The following CDC42BPB variants were observed in gnomAD, a reference collection of about 807,000 sequenced individuals.
The protein encoded by CDC42BPB is CDC42 binding protein kinase beta.
CDC42BPB carries 37 observed loss-of-function variants against 214.9 expected under a neutral mutation model. That is an observed-to-expected ratio of 0.17 (90% CI 0.13 to 0.23). The LOEUF is 0.23. CDC42BPB is among the 10% of genes least tolerant of loss of function. The pLI is 1.00. For synonymous variants in CDC42BPB, 931 were observed against 884.0 expected (o/e 1.05, Z -0.94); for missense variants, 1,694 against 2,227.0 (o/e 0.76, Z 4.82).
At chr14:102,998,137 T>C (rs1041901616) in intron 5 of CDC42BPB, among the ~76,000 whole-genome samples, 5 of 151,526 alleles carry the variant, frequency 3.3e-5, no homozygotes, top group Admixed American at 6.6e-5. Flanking sequence ...AAAAAATATA[T>C]CAAAATAAAA....
At chr14:102,969,211 C>G (rs1469251996) in intron 14 of CDC42BPB, among the ~76,000 whole-genome samples, 1 of 152,240 alleles carries the variant, frequency 6.6e-6, no homozygotes, top group Admixed American at 6.5e-5. Context: ...GGGCAAAGAA[C>G]AAGGGCACAG....
chr14:102,974,139 C>G lies in CDC42BPB; in HGVS notation c.1518G>C (p.Arg506Ser), dbSNP rs773145635. The G allele has an allele frequency of 1.2e-6, 2 of 1,613,414 alleles. No individual in the cohort carries two copies. Among genetic ancestry groups the G allele is most frequent in the South Asian group, 1.1e-5 (1 of 90,904 alleles). ...RLKNKIADSN[R>S]LERQLEDTVA... ...CTGTGTCCTCAAGCTGTCGCTCGAG[C>G]CTGTTTGAATCTGGACAAAAGAGGA... Residue 506 changes from arginine (R) to serine (S), a missense_variant, in exon 12 of 37, where the codon AGG becomes AGC. Physicochemically the swap from Arg to Ser is moderately radical, Grantham distance 110 (BLOSUM62 -1). Transcript: ENST00000361246.
At chr14:102,981,126 G>A (rs1893979115) in intron 7 of CDC42BPB, 105 bp from the exon 8 acceptor site, 1 of 1,537,662 alleles carries the variant, frequency 6.5e-7, no homozygotes, top group East Asian at 2.3e-5. Flanking sequence ...CTTCAAAGCA[G>A]GTCACTTCAT....
intron 36 of CDC42BPB, 149 bp from the exon 37 acceptor site, chr14:102,933,992 G>C: frequency 7.2e-7 from 1 of 1,382,768 alleles, no homozygotes; most frequent in Non-Finnish European, 9.3e-7. Flanking sequence ...CTCTACACCA[G>C]CGATTCGTGG....
intron 30 of CDC42BPB, chr14:102,941,093 C>T (rs1000491638): frequency 1.0e-5 from 10 of 977,302 alleles, no homozygotes; most frequent in Non-Finnish European, 1.1e-5. Context: ...CTGTGCCACA[C>T]GACAAGGGAG....
intron 1 of CDC42BPB, among the ~76,000 whole-genome samples, chr14:103,031,990 AT>A (rs1192491008): frequency 0.011 from 1,391 of 131,520 alleles, 5 homozygotes; most frequent in Admixed American, 0.018. Flanking sequence ...TATTATTATT[AT>A]TTTTTTTTTT....
rs553100076 is a variant in CDC42BPB, at chr14:103,032,907, G to A, written c.176-20719C>T. Among the ~76,000 whole-genome samples, 33 of 147,528 alleles carry A rather than the reference G, an allele frequency of 2.2e-4. 1 individual carries two copies. The South Asian group carries it at 6.3e-3, about 28-fold the overall frequency. On this transcript the variant is annotated intron_variant, in intron 1 of 36. Coordinates refer to ENST00000361246, the MANE Select transcript of CDC42BPB (RefSeq NM_006035.4). ...GCTAGGATTACAGGCATAATCCACC[G>A]TGCCCGGCCACAAATCCACTTTTTT... is the stretch of plus-strand genomic sequence containing the variant.
rs1300635880 is a variant in CDC42BPB, at chr14:102,944,390, C to T, written c.3909G>A (p.Val1303=). ...CAAGGGACGACCACGGATAGAGGTG[C>T]ACATGGTGGTTCCGGCCACAGAGGA... is the stretch of plus-strand genomic sequence containing the variant. The part of the protein sequence containing the change: ...VILLCGRNHH[V]HLYPWSSLDG... Residue 1303 remains valine (V), a synonymous_variant, in exon 30 of 37, where the codon GTG becomes GTA. Transcript: ENST00000361246. This position sits in a 1 kb window ranked among gnomAD's most constrained non-coding sequence, Gnocchi z 6.6. 1 of 1,613,144 alleles carries T rather than the reference C, an allele frequency of 6.2e-7. No homozygotes were observed.
chr14:102,957,288 G>A lies in CDC42BPB; in HGVS notation c.2901+2343C>T, dbSNP rs561409608. On this transcript the variant is annotated intron_variant, in intron 21 of 36. Transcript: ENST00000361246. Reference sequence around the variant, plus strand: ...GTAGAGAATGAGGCATGAAGATGCCGCCTCTGTCTCCATCTCTGCTGCCCA... The same window carrying A: ...GTAGAGAATGAGGCATGAAGATGCCACCTCTGTCTCCATCTCTGCTGCCCA... Among the ~76,000 whole-genome samples the A allele has an allele frequency of 4.0e-5, 6 of 150,896 alleles. No individual in the cohort carries two copies. In the South Asian group the frequency reaches 8.4e-4, roughly 21 times the overall value.
rs766980094 is a variant in CDC42BPB, at chr14:102,940,152, G to A, written c.4507-22C>T. Reference sequence around the variant, plus strand: ...TTATCTGGATTGGAAACCAGGGAGGGACAGTAAGCGCGGCCACGCACAGAC... The same window carrying A: ...TTATCTGGATTGGAAACCAGGGAGGAACAGTAAGCGCGGCCACGCACAGAC... On this transcript the variant is annotated intron_variant, in intron 31 of 36. Coordinates refer to ENST00000361246, the MANE Select transcript of CDC42BPB (RefSeq NM_006035.4). 2.5e-6 allele frequency: 4 copies of A among 1,613,926 alleles called. No individual in the cohort carries two copies. In the African/African-American group the frequency reaches 4.0e-5, roughly 16 times the overall value.
Position 102,965,233 on chromosome 14 carries a change from C to T in CDC42BPB, c.2578-583G>A, listed in dbSNP as rs1218807044. Among the ~76,000 whole-genome samples the T allele has an allele frequency of 2.0e-5, 3 of 152,002 alleles. No individual in the cohort carries two copies. In the East Asian group the frequency reaches 5.8e-4, roughly 29 times the overall value. On this transcript the variant is annotated intron_variant, in intron 18 of 36. Coordinates refer to ENST00000361246, the MANE Select transcript of CDC42BPB (RefSeq NM_006035.4). Reference sequence around the variant, plus strand: ...AGGCATGAGCCGCTGCGCCTGGCCTCTGTAATGCAATTTCTATATGGGTCC... The same window carrying T: ...AGGCATGAGCCGCTGCGCCTGGCCTTTGTAATGCAATTTCTATATGGGTCC...
At chr14:102,992,705 GA>G (rs561673611) in intron 5 of CDC42BPB, among the ~76,000 whole-genome samples, 97 of 149,614 alleles carry the variant, frequency 6.5e-4, no homozygotes, top group African/African-American at 2.2e-3. Flanking sequence ...AAGTCTGAAA[GA>G]AAAAAATCAA....
chr14:103,025,609 G>A (rs1250606386), intron 1 of CDC42BPB, among the ~76,000 whole-genome samples: 1 of 151,556 alleles, frequency 6.6e-6, no homozygotes, highest in Non-Finnish European at 1.5e-5. Flanking sequence ...CCTGAGGTCA[G>A]ACGTTCAAGA....
intron 14 of CDC42BPB, 101 bp downstream of exon 14, chr14:102,970,050 C>G: frequency 2.2e-6 from 2 of 927,792 alleles, no homozygotes; most frequent in Non-Finnish European, 3.3e-6. Flanking sequence ...GGGTGACACT[C>G]GGCCCGGACC....
chr14:102,943,762 C>A lies in CDC42BPB; in HGVS notation c.4408+129G>T. ...CTCTGCTGCGGGCTGGCATGGGGCC[C>A]ACCTCTCCCGATGCTCTGTGACTAC... On this transcript the variant is annotated intron_variant, in intron 30 of 36. Transcript: ENST00000361246. This position sits in a 1 kb window ranked among gnomAD's most constrained non-coding sequence, Gnocchi z 4.6. The A allele has an allele frequency of 1.3e-6, 1 of 797,122 alleles. No individual in the cohort carries two copies. The highest frequency in any genetic ancestry group is 2.0e-6 in the Non-Finnish European group (1 of 508,142). The allele number at this position is 797,122 out of a possible 1,614,324, so 49.4% of individuals were successfully genotyped here.
intron 1 of CDC42BPB, among the ~76,000 whole-genome samples, chr14:103,030,526 T>A (rs1386086759): frequency 6.6e-6 from 1 of 151,802 alleles, no homozygotes; most frequent in Non-Finnish European, 1.5e-5. Context: ...TGAAACCCCA[T>A]CTCTGCTAAA....
At chr14:103,030,764 A>T (rs187127657) in intron 1 of CDC42BPB, among the ~76,000 whole-genome samples, 11 of 152,238 alleles carry the variant, frequency 7.2e-5, no homozygotes, top group African/African-American at 2.6e-4. Flanking sequence ...CAGGTAGATC[A>T]CTTACGCCTA....
At position 102,961,357 on chromosome 14, in the gene CDC42BPB, C is replaced by T. The variant is rs146894285; in HGVS notation, c.2822-1647G>A. 6.2e-3 allele frequency among the ~76,000 whole-genome samples: 935 copies of T among 150,406 alleles called. 12 individuals carry two copies. Among genetic ancestry groups the T allele is most frequent in the African/African-American group, 0.022 (889 of 40,908 alleles). ...ACCTTTTTTTTTTTTTCTTGACAGA[C>T]GGAATCTGGCTCTGTCACCCAGGCT... On this transcript the variant is annotated intron_variant, in intron 20 of 36. Coordinates refer to ENST00000361246, the MANE Select transcript of CDC42BPB (RefSeq NM_006035.4).
At chr14:103,041,778 G>A in intron 1 of CDC42BPB, 1 of 474,810 alleles carries the variant, frequency 2.1e-6, no homozygotes, top group South Asian at 2.2e-5. Context: ...GGCAGTACGA[G>A]TCCACCGAGT....
Sources: allele counts gnomAD v4.1 joint callset (sites outside exome capture counted in the v4.1 genomes callset), GRCh38; gene constraint gnomAD v4.1.1; non-coding constraint Gnocchi (gnomAD v3.1); transcripts MANE v1.5; gene names NCBI Gene and HGNC (gene_info 2026-07-23, HGNC 2026-07-21).